Variants in NTNG1 observed in about 807,000 individuals in gnomAD.
NTNG1 encodes netrin G1, also known as netrin-G1.
Under a neutral mutation model 54.0 loss-of-function variants are expected in NTNG1, and 16 were observed. The observed-to-expected ratio is 0.30, with a 90% CI of 0.20 to 0.45. The LOEUF (loss-of-function observed/expected upper bound fraction) is 0.45, where lower values mean the gene tolerates loss of function less well. NTNG1 is among the 20% of genes least tolerant of loss of function. The probability of loss-of-function intolerance (pLI) is 1.00; values close to 1 mark genes in which losing one functional copy is unlikely to be tolerated. For synonymous variants in NTNG1, 255 were observed against 263.1 expected, an observed-to-expected ratio of 0.97 and a Z score of 0.30; for missense variants, 530 against 678.7, an observed-to-expected ratio of 0.78 and a Z score of 2.43.
chr1:107,317,914 AAAACTCTTT>A (rs1182030689), intron 2 of NTNG1, among the ~76,000 whole-genome samples: 1 of 152,218 alleles, frequency 6.6e-6, no homozygotes, highest in Non-Finnish European at 1.5e-5. Context: ...ATACAAAAAC[AAAACTCTTT>A]ATCCTCTACT....
At chr1:107,407,774 C>T (rs867179649) in intron 5 of NTNG1, 66 bp downstream of exon 5, 10 of 1,305,308 alleles carry the variant, frequency 7.7e-6, no homozygotes, top group Middle Eastern at 1.8e-4. Context: ...TTGTTGTTCA[C>T]CTCCTCAGAT....
chr1:107,365,123 A>ATGT, intron 3 of NTNG1, among the ~76,000 whole-genome samples: 2 of 152,294 alleles, frequency 1.3e-5, no homozygotes, highest in East Asian at 3.9e-4. Context: ...GGGGCCTTGT[A>ATGT]TCCAAAGCTC....
At chr1:107,193,731 C>T (rs1658124797) in intron 2 of NTNG1, among the ~76,000 whole-genome samples, 1 of 151,904 alleles carries the variant, frequency 6.6e-6, no homozygotes, top group African/African-American at 2.4e-5. Context: ...CATAATTTCA[C>T]CTGGAATATC....
intron 2 of NTNG1, among the ~76,000 whole-genome samples, chr1:107,269,062 G>T (rs1007338905): frequency 6.6e-6 from 1 of 152,082 alleles, no homozygotes; most frequent in African/African-American, 2.4e-5. Flanking sequence ...TCACTCCTCT[G>T]TTAAAACACT....
chr1:107,154,287 A>G (rs1414697649), intron 2 of NTNG1, among the ~76,000 whole-genome samples: 1 of 152,014 alleles, frequency 6.6e-6, no homozygotes, highest in Non-Finnish European at 1.5e-5. Flanking sequence ...AAAATATTAA[A>G]CAGTGCCAGA....
intron 6 of NTNG1, among the ~76,000 whole-genome samples, chr1:107,433,363 G>A (rs1475764937): frequency 6.6e-6 from 1 of 152,116 alleles, no homozygotes; most frequent in South Asian, 2.1e-4. Flanking sequence ...GGCCAACATG[G>A]TGAAACCACA....
intron 3 of NTNG1, among the ~76,000 whole-genome samples, chr1:107,342,296 C>T (rs558256899): frequency 6.6e-6 from 1 of 152,036 alleles, no homozygotes; most frequent in East Asian, 1.9e-4. Context: ...AAAAGTATGA[C>T]TGAAGCATTA....
At chr1:107,201,115 T>G (rs963221235) in intron 2 of NTNG1, among the ~76,000 whole-genome samples, 1 of 151,832 alleles carries the variant, frequency 6.6e-6, no homozygotes, top group Non-Finnish European at 1.5e-5. Context: ...CTCAAAAACT[T>G]GTACCTTTAT....
chr1:107,468,053 G>T (rs1192057271), intron 7 of NTNG1, among the ~76,000 whole-genome samples: 1 of 152,158 alleles, frequency 6.6e-6, no homozygotes, highest in Admixed American at 6.5e-5. Flanking sequence ...GACATTGTCA[G>T]GGGGTGGTTA....
At chr1:107,334,941 T>C (rs1668493581) in intron 3 of NTNG1, among the ~76,000 whole-genome samples, 1 of 152,010 alleles carries the variant, frequency 6.6e-6, no homozygotes, top group Non-Finnish European at 1.5e-5. Flanking sequence ...GCAAGAGAAT[T>C]GGAGCTTAGC....
chr1:107,173,599 T>G (rs1656417702), intron 2 of NTNG1, among the ~76,000 whole-genome samples: 1 of 152,148 alleles, frequency 6.6e-6, no homozygotes, highest in African/African-American at 2.4e-5. Flanking sequence ...CTCTGGTTCT[T>G]AAGGAAGATG....
At chr1:107,436,609 T>C in intron 6 of NTNG1, 56 bp from the exon 7 acceptor site, 6 of 1,532,938 alleles carry the variant, frequency 3.9e-6, no homozygotes, top group Non-Finnish European at 5.3e-6. Flanking sequence ...CCTGTGTTGA[T>C]AACCTGTAAG....
intron 7 of NTNG1, among the ~76,000 whole-genome samples, chr1:107,460,030 C>A (rs1414157877): frequency 1.3e-5 from 2 of 151,972 alleles, no homozygotes; most frequent in Non-Finnish European, 2.9e-5. Context: ...TGTTCTTTTC[C>A]TTTTCTTTAA....
At chr1:107,446,204 A>T (rs1676295572) in intron 7 of NTNG1, among the ~76,000 whole-genome samples, 1 of 152,100 alleles carries the variant, frequency 6.6e-6, no homozygotes, top group Admixed American at 6.6e-5. Flanking sequence ...CTTAAGAAAA[A>T]TGTTAGGGTT....
At chr1:107,426,635 T>TGCTTTG (rs1674926555) in intron 5 of NTNG1, among the ~76,000 whole-genome samples, 1 of 152,074 alleles carries the variant, frequency 6.6e-6, no homozygotes, top group South Asian at 2.1e-4. Context: ...TGCTTAGAAA[T>TGCTTTG]GCTTTGGCTT....
intron 3 of NTNG1, chr1:107,328,859 A>G (rs528394944): frequency 1.6e-4 from 25 of 152,192 alleles, no homozygotes; most frequent in Non-Finnish European, 2.8e-4. Flanking sequence ...TATTTTTAAG[A>G]TATGCTATCA....
intron 6 of NTNG1, among the ~76,000 whole-genome samples, chr1:107,435,249 C>G (rs946734590): frequency 1.3e-5 from 2 of 151,924 alleles, no homozygotes; most frequent in African/African-American, 4.8e-5. Context: ...ACATTAAAAG[C>G]TTTCACAAAA....
At chr1:107,429,906 C>T (rs1675149325) in intron 5 of NTNG1, among the ~76,000 whole-genome samples, 1 of 152,122 alleles carries the variant, frequency 6.6e-6, no homozygotes, top group Non-Finnish European at 1.5e-5. Flanking sequence ...TCATGCTCTT[C>T]TTCATCTCCC....
intron 5 of NTNG1, among the ~76,000 whole-genome samples, chr1:107,426,314 T>C (rs888790687): frequency 1.3e-5 from 2 of 152,104 alleles, no homozygotes; most frequent in African/African-American, 2.4e-5. Context: ...GTCTTATATG[T>C]AGGTCCTTAA....
Sources: allele counts gnomAD v4.1 joint callset (sites outside exome capture counted in the v4.1 genomes callset), GRCh38; gene constraint gnomAD v4.1.1; transcripts MANE v1.5; gene names NCBI Gene and HGNC (gene_info 2026-07-23, HGNC 2026-07-21).